Variants in ZNG1B observed in about 807,000 individuals in gnomAD.
ZNG1B encodes the protein zinc-regulated GTPase metalloprotein activator 1B.
chr2:113,473,114 A>T, the ZNG1B span, among the ~76,000 whole-genome samples: 1 of 150,278 alleles, frequency 6.7e-6, no homozygotes, highest in East Asian at 2.0e-4. Flanking sequence ...CTTCCTACCC[A>T]TGAGCATGGA....
At chr2:113,477,482 C>T in the ZNG1B span, among the ~76,000 whole-genome samples, 7 of 152,152 alleles carry the variant, frequency 4.6e-5, no homozygotes, top group Admixed American at 6.5e-5. Context: ...CTGTCTTCTG[C>T]GTCTCTCACG....
At chr2:113,479,964 G>C in the ZNG1B span, among the ~76,000 whole-genome samples, 1 of 151,946 alleles carries the variant, frequency 6.6e-6, no homozygotes, top group Non-Finnish European at 1.5e-5. Flanking sequence ...TGGGACTATA[G>C]GCACACACTA....
the ZNG1B span, among the ~76,000 whole-genome samples, chr2:113,458,165 GTTTTA>G: frequency 6.6e-6 from 1 of 151,426 alleles, no homozygotes; most frequent in African/African-American, 2.4e-5. Flanking sequence ...TTTCCATTTT[GTTTTA>G]TTTTATAAAT....
chr2:113,477,586 CT>C, the ZNG1B span, among the ~76,000 whole-genome samples: 2 of 152,200 alleles, frequency 1.3e-5, no homozygotes. Flanking sequence ...CTGCCTTCTC[CT>C]GTGGGGAATC....
the ZNG1B span, chr2:113,445,314 A>G: frequency 2.6e-6 from 1 of 384,576 alleles, no homozygotes; most frequent in Admixed American, 4.1e-5. Context: ...TTGTAAGAAC[A>G]GAAGTTGTTA....
At chr2:113,439,428 CA>C in the ZNG1B span, among the ~76,000 whole-genome samples, 1 of 152,122 alleles carries the variant, frequency 6.6e-6, no homozygotes, top group African/African-American at 2.4e-5. Context: ...ACCATCCCCC[CA>C]AATCCTGCTT....
the ZNG1B span, among the ~76,000 whole-genome samples, chr2:113,479,759 C>T: frequency 6.6e-6 from 1 of 151,204 alleles, no homozygotes; most frequent in Non-Finnish European, 1.5e-5. Context: ...TCCTGTGATA[C>T]ATTTAAATGT....
chr2:113,475,759 G>C, the ZNG1B span, among the ~76,000 whole-genome samples: 1 of 152,034 alleles, frequency 6.6e-6, no homozygotes, highest in Non-Finnish European at 1.5e-5. Context: ...AGCTTAGTTT[G>C]GCTGGATATG....
the ZNG1B span, among the ~76,000 whole-genome samples, chr2:113,458,217 T>C: frequency 6.6e-6 from 1 of 152,146 alleles, no homozygotes; most frequent in Non-Finnish European, 1.5e-5. Flanking sequence ...TGGTATATAA[T>C]GTATTATTGG....
chr2:113,443,050 C>T, the ZNG1B span, among the ~76,000 whole-genome samples: 1 of 150,700 alleles, frequency 6.6e-6, no homozygotes, highest in African/African-American at 2.4e-5. Context: ...GTCACTGCAA[C>T]CTCCGCCTCC....
At chr2:113,444,880 G>A in the ZNG1B span, 1 of 1,576,336 alleles carries the variant, frequency 6.3e-7, no homozygotes, top group Non-Finnish European at 8.7e-7. Flanking sequence ...GTCTTGGGTT[G>A]TTGAATATAT....
chr2:113,448,398 G>A, the ZNG1B span, among the ~76,000 whole-genome samples: 1 of 151,186 alleles, frequency 6.6e-6, no homozygotes, highest in East Asian at 1.9e-4. Context: ...TAGAAAACAG[G>A]CAGAGGAGAT....
At chr2:113,467,106 A>G in the ZNG1B span, among the ~76,000 whole-genome samples, 1 of 151,556 alleles carries the variant, frequency 6.6e-6, no homozygotes, top group Admixed American at 6.6e-5. Context: ...GATTTGGTTA[A>G]CAAAATAGTC....
the ZNG1B span, among the ~76,000 whole-genome samples, chr2:113,477,357 A>G: frequency 1.1e-3 from 169 of 152,218 alleles, no homozygotes; most frequent in Non-Finnish European, 1.9e-3. Flanking sequence ...AAGTGAGGCA[A>G]TGCCTCGCCC....
chr2:113,472,296 C>A, the ZNG1B span, among the ~76,000 whole-genome samples: 2 of 152,238 alleles, frequency 1.3e-5, no homozygotes, highest in Middle Eastern at 3.4e-3. Flanking sequence ...TGAGAAGTGT[C>A]TGTTCATGTC....
the ZNG1B span, among the ~76,000 whole-genome samples, chr2:113,463,474 A>T: frequency 6.6e-6 from 1 of 152,310 alleles, no homozygotes; most frequent in East Asian, 1.9e-4. Flanking sequence ...ATTTGCCATG[A>T]TTAATGATTG....
chr2:113,470,622 T>G, the ZNG1B span: 2 of 245,620 alleles, frequency 8.1e-6, no homozygotes, highest in Non-Finnish European at 1.6e-5. Context: ...TTATATTACA[T>G]GTTATATCAA....
At chr2:113,454,759 A>G in the ZNG1B span, 1 of 1,576,624 alleles carries the variant, frequency 6.3e-7, no homozygotes, top group East Asian at 2.3e-5. Context: ...ACTATAGTGG[A>G]TTCAAAATAT....
At chr2:113,454,421 T>G in the ZNG1B span, among the ~76,000 whole-genome samples, 1 of 151,512 alleles carries the variant, frequency 6.6e-6, no homozygotes, top group Non-Finnish European at 1.5e-5. Context: ...GTTATGAAAT[T>G]TGACTTATAT....
Sources: gnomAD v4.1 joint callset for allele counts (sites outside exome capture counted in the v4.1 genomes callset) on GRCh38, gnomAD v4.1.1 for gene constraint, MANE v1.5 for transcripts, NCBI Gene and HGNC (gene_info 2026-07-23, HGNC 2026-07-21) for gene names.